Variants in GABRG3 observed in about 807,000 individuals in gnomAD.
GABRG3 encodes the protein gamma-aminobutyric acid receptor subunit gamma-3.
In GABRG3, 25 loss-of-function variants were observed where a neutral mutation model predicts 48.8. The observed-to-expected ratio is 0.51, with a 90% confidence interval of 0.37 to 0.72. The LOEUF is 0.72. GABRG3 is among the 30% of genes least tolerant of loss of function. The pLI, the probability that GABRG3 is intolerant of heterozygous loss-of-function variation, is 0.00. For synonymous variants in GABRG3, 227 were observed against 217.6 expected (o/e 1.04, Z -0.38); for missense variants, 394 against 577.9 (o/e 0.68, Z 3.26).
At position 27,267,952 on chromosome 15, in the gene GABRG3, T is replaced by A. The variant is rs189470702; in HGVS notation, c.271-58857T>A. Among the ~76,000 whole-genome samples, 1,254 of 152,286 alleles carry A rather than the reference T, an allele frequency of 8.2e-3. 12 individuals carry two copies. Among genetic ancestry groups the A allele is most frequent in the African/African-American group, 0.029 (1,198 of 41,584 alleles). Reference sequence around the variant, plus strand: ...GTTGTTGGATTCAATATACTATTTTTAAAAAAATTGCTTCTATCCCCAGTG... The same window carrying A: ...GTTGTTGGATTCAATATACTATTTTAAAAAAAATTGCTTCTATCCCCAGTG... On this transcript the variant is annotated intron_variant, in intron 3 of 9. Coordinates refer to ENST00000615808, the MANE Select transcript of GABRG3 (RefSeq NM_033223.5).
At position 27,076,318 on chromosome 15, in the gene GABRG3, CTTTTTTTTTTT is replaced by C. The variant is rs1230817571; in HGVS notation, c.270+49510_270+49520del. On this transcript the variant is annotated intron_variant, in intron 3 of 9. Coordinates refer to ENST00000615808, the MANE Select transcript of GABRG3 (RefSeq NM_033223.5). ...TTGCTGATGACATTGAGCCAACTGT[CTTTTTTTTTTT>C]TTTTTTTTTTTTGAGATGGAGTCTC... 6.6e-5 allele frequency among the ~76,000 whole-genome samples: 7 copies of C among 106,484 alleles called. No individual in the cohort carries two copies. In the East Asian group the frequency reaches 8.3e-4, roughly 13 times the overall value. 69.9% of individuals were successfully genotyped at this position (106,484 alleles called of 152,430 possible).
intron 6 of GABRG3, among the ~76,000 whole-genome samples, chr15:27,500,504 G>A (rs1890596571): frequency 2.0e-5 from 3 of 152,308 alleles, no homozygotes; most frequent in South Asian, 4.2e-4. Context: ...AGTGGTGCAA[G>A]AGAGAGGTGA....
Position 27,347,643 on chromosome 15 carries a change from T to C in GABRG3, c.574+18755T>C, listed in dbSNP as rs149058529. ...CCTGCCAGAGAAAATATGGGATCTT[T>C]CTTGCATTTTCACTTTGAGAACCTT... is the stretch of plus-strand genomic sequence containing the variant. On this transcript the variant is annotated intron_variant, in intron 5 of 9. Transcript: ENST00000615808. Among the ~76,000 whole-genome samples the C allele has an allele frequency of 1.6e-3, 247 of 152,356 alleles. 2 individuals are homozygous for C. Among genetic ancestry groups the C allele is most frequent in the African/African-American group, 5.6e-3 (231 of 41,576 alleles).
intron 5 of GABRG3, among the ~76,000 whole-genome samples, chr15:27,353,428 A>G (rs113267062): frequency 2.3e-3 from 342 of 146,868 alleles, no homozygotes; most frequent in Non-Finnish European, 4.4e-3. Flanking sequence ...CTTTCTTTCT[A>G]TTTATTTATT....
At position 27,179,214 on chromosome 15, in the gene GABRG3, A is replaced by G. The variant is rs950156058; in HGVS notation, c.271-147595A>G. Among the ~76,000 whole-genome samples the G allele has an allele frequency of 6.6e-6, 1 of 152,024 alleles. No individual in the cohort carries two copies. The highest frequency in any genetic ancestry group is 1.5e-5 in the Non-Finnish European group (1 of 68,016). On this transcript the variant is annotated intron_variant, in intron 3 of 9. Transcript: ENST00000615808. The surrounding 1 kb of genome is among the most constrained non-coding windows in gnomAD (Gnocchi z 4.0). ...AATGCCTGTATCAGAAATATTGCTT[A>G]CTCCTATCATCAATGCATTGCCGTG...
At chr15:27,527,652 C>A in intron 8 of GABRG3, 23 bp downstream of exon 8, 1 of 1,582,132 alleles carries the variant, frequency 6.3e-7, no homozygotes. Context: ...AGCAAAGGTT[C>A]TCCGGGAGGT....
intron 6 of GABRG3, among the ~76,000 whole-genome samples, chr15:27,513,873 AAT>A (rs1387792466): frequency 6.6e-6 from 1 of 152,230 alleles, no homozygotes; most frequent in African/African-American, 2.4e-5. Context: ...TAGCAACAGA[AAT>A]ATACATGTAT....
intron 3 of GABRG3, among the ~76,000 whole-genome samples, chr15:27,261,746 T>C (rs567640799): frequency 6.6e-6 from 1 of 152,226 alleles, no homozygotes; most frequent in Middle Eastern, 3.4e-3. Context: ...TGGGAGCAAC[T>C]TCTTACCTTG....
chr15:27,252,919 T>C (rs1890505498), intron 3 of GABRG3, among the ~76,000 whole-genome samples: 1 of 152,236 alleles, frequency 6.6e-6, no homozygotes, highest in Admixed American at 6.5e-5. Context: ...TGGCCATGTG[T>C]CTTCAAGGGC....
At chr15:27,335,482 C>A (rs550904657) in intron 5 of GABRG3, among the ~76,000 whole-genome samples, 1 of 152,140 alleles carries the variant, frequency 6.6e-6, no homozygotes, top group Non-Finnish European at 1.5e-5. Flanking sequence ...TTTGCATTTC[C>A]CTAATGACTA....
intron 3 of GABRG3, among the ~76,000 whole-genome samples, chr15:27,094,458 A>G (rs1243690084): frequency 3.3e-5 from 5 of 152,194 alleles, no homozygotes; most frequent in African/African-American, 9.7e-5. Flanking sequence ...GCCCCAGATA[A>G]TAGATGATCT....
At chr15:27,188,012 A>T (rs1190238269) in intron 3 of GABRG3, among the ~76,000 whole-genome samples, 1 of 151,938 alleles carries the variant, frequency 6.6e-6, no homozygotes, top group Non-Finnish European at 1.5e-5. Context: ...TTTACTGAGA[A>T]TGATGATTTC....
intron 3 of GABRG3, among the ~76,000 whole-genome samples, chr15:27,135,845 C>A (rs1269270523): frequency 6.6e-6 from 1 of 152,176 alleles, no homozygotes; most frequent in Non-Finnish European, 1.5e-5. Flanking sequence ...GAGGAGGATG[C>A]AGTGAGCTGA....
intron 5 of GABRG3, among the ~76,000 whole-genome samples, chr15:27,344,588 T>A (rs1302307022): frequency 6.6e-6 from 1 of 152,210 alleles, no homozygotes; most frequent in Non-Finnish European, 1.5e-5. Context: ...TTTTGATCAT[T>A]GTATCAAATT....
At chr15:27,299,820 C>T (rs777755937) in intron 3 of GABRG3, among the ~76,000 whole-genome samples, 71 of 152,094 alleles carry the variant, frequency 4.7e-4, no homozygotes, top group Non-Finnish European at 9.1e-4. Context: ...AGGGGGTAAC[C>T]AGAGCCCCAA....
In GABRG3 at chr15:26,977,115, G is replaced by A. The variant is rs912754568; in HGVS notation, c.167G>A (p.Arg56Lys). 1 of 1,613,784 alleles carries A rather than the reference G, an allele frequency of 6.2e-7. No homozygotes were observed. Among genetic ancestry groups the A allele is most frequent in the African/African-American group, 1.3e-5 (1 of 74,920 alleles). Residue 56 changes from arginine to lysine, a missense_variant, in exon 2 of 10, where the codon AGA (arginine) becomes AAA (lysine). Physicochemically the swap from Arg to Lys is conservative, Grantham distance 26. This residue lies in a region of GABRG3 where 218 missense variants were observed against 309.9 expected (regional missense o/e 0.70). Transcript: ENST00000615808. ...DVTLILNKLL[R>K]EYDKKLRPDI... ...ACTCTTATTCTCAACAAGTTGCTAAGAGAATATGATAAAAAGCTGAGGCCA... is the reference window on the plus strand; with the variant it reads ...ACTCTTATTCTCAACAAGTTGCTAAAAGAATATGATAAAAAGCTGAGGCCA...
intron 3 of GABRG3, among the ~76,000 whole-genome samples, chr15:27,252,553 C>T (rs1161061987): frequency 2.0e-5 from 3 of 152,330 alleles, no homozygotes; most frequent in African/African-American, 4.8e-5. Context: ...CTGTTAAACC[C>T]GCTGGTCCTC....
At chr15:27,029,939 C>T (rs932583523) in intron 3 of GABRG3, among the ~76,000 whole-genome samples, 1 of 152,130 alleles carries the variant, frequency 6.6e-6, no homozygotes, top group Admixed American at 6.5e-5. Flanking sequence ...TCACATAGAC[C>T]CGCTATATCT....
At chr15:27,100,961 A>G (rs1897345492) in intron 3 of GABRG3, among the ~76,000 whole-genome samples, 2 of 152,198 alleles carry the variant, frequency 1.3e-5, no homozygotes, top group Non-Finnish European at 2.9e-5. Context: ...TGGAAGTCCT[A>G]GCACCTGCAC....
Sources: gnomAD v4.1 joint callset for allele counts (sites outside exome capture counted in the v4.1 genomes callset) on GRCh38, gnomAD v4.1.1 for gene constraint, gnomAD v4.1.1 regional missense constraint, Gnocchi (gnomAD v3.1) non-coding constraint, MANE v1.5 for transcripts, NCBI Gene and HGNC (gene_info 2026-07-23, HGNC 2026-07-21) for gene names.